Variants in ZDHHC14 observed in about 807,000 individuals in gnomAD.
ZDHHC14 encodes palmitoyltransferase ZDHHC14.
Under a neutral mutation model 47.7 loss-of-function variants are expected in ZDHHC14, and 16 were observed. The ratio of observed to expected loss-of-function variants is 0.34; its 90% CI spans 0.23 to 0.51. The LOEUF is 0.51. Among genes scored for constraint, ZDHHC14 ranks in the 20% least tolerant of loss-of-function variants. The probability of loss-of-function intolerance (pLI) is 0.97; values close to 1 mark genes in which losing one functional copy is unlikely to be tolerated. For missense variants in ZDHHC14, 515 were observed against 662.5 expected (o/e 0.78, Z 2.44); for synonymous variants, 293 against 278.9 (o/e 1.05, Z -0.50).
chr6:157,644,149 G>A (rs1474927907), intron 5 of ZDHHC14, among the ~76,000 whole-genome samples: 3 of 152,152 alleles, frequency 2.0e-5, no homozygotes, highest in East Asian at 3.9e-4. Flanking sequence ...CCCGCATTGT[G>A]TTCCCTGGAC....
At chr6:157,478,892 G>C (rs372978351) in intron 1 of ZDHHC14, among the ~76,000 whole-genome samples, 4 of 152,344 alleles carry the variant, frequency 2.6e-5, no homozygotes, top group African/African-American at 4.8e-5. Context: ...ACAGTGAAGA[G>C]AGTGTGTATG....
At chr6:157,535,394 T>C (rs926934629) in intron 1 of ZDHHC14, among the ~76,000 whole-genome samples, 4 of 152,210 alleles carry the variant, frequency 2.6e-5, no homozygotes, top group Admixed American at 6.5e-5. Flanking sequence ...TTAGCAAGCC[T>C]GAAAGCTACA....
chr6:157,435,778 G>A (rs1016468243), intron 1 of ZDHHC14, among the ~76,000 whole-genome samples: 18 of 152,148 alleles, frequency 1.2e-4, no homozygotes, highest in South Asian at 4.1e-4. Context: ...GGGCTCAAGC[G>A]ATCCTCCCAC....
chr6:157,647,627 TGGCCCTGCTAATGACTGA>T (rs974334819), intron 7 of ZDHHC14, among the ~76,000 whole-genome samples: 7 of 152,318 alleles, frequency 4.6e-5, no homozygotes, highest in East Asian at 1.9e-4. Context: ...CAGATGCCTG[TGGCCCTGCTAATGACTGA>T]GGCCCTGCTA....
chr6:157,461,734 G>A (rs909775977), intron 1 of ZDHHC14, among the ~76,000 whole-genome samples: 1 of 152,204 alleles, frequency 6.6e-6, no homozygotes, highest in African/African-American at 2.4e-5. Flanking sequence ...CAGAGGGTGG[G>A]CAGGTGGCAA....
At chr6:157,465,669 T>G (rs1779194720) in intron 1 of ZDHHC14, among the ~76,000 whole-genome samples, 1 of 151,926 alleles carries the variant, frequency 6.6e-6, no homozygotes, top group African/African-American at 2.4e-5. Context: ...CGTTAAAATG[T>G]CACGTACCAG....
At chr6:157,526,910 G>T (rs1056423609) in intron 1 of ZDHHC14, among the ~76,000 whole-genome samples, 1 of 152,222 alleles carries the variant, frequency 6.6e-6, no homozygotes, top group Non-Finnish European at 1.5e-5. Context: ...TTCTAGGGAT[G>T]TGGGGAGAGG....
rs140403054 is a variant in ZDHHC14 at position 157,520,107 on chromosome 6, G to A, written c.246-22478G>A. Among the ~76,000 whole-genome samples the A allele has an allele frequency of 2.0e-4, 30 of 152,278 alleles. No individual in the cohort carries two copies. In the East Asian group the frequency reaches 4.8e-3, roughly 25 times the overall value. On this transcript the variant is annotated intron_variant, in intron 1 of 8. Coordinates refer to ENST00000359775, the MANE Select transcript of ZDHHC14 (RefSeq NM_024630.3). ...GATCTAAAGTGTGGAGTCTGTCATC[G>A]AGGTGCGTAGCCTCTCCAGAGGTGT...
intron 1 of ZDHHC14, among the ~76,000 whole-genome samples, chr6:157,429,253 G>A (rs1034281742): frequency 6.6e-6 from 1 of 152,158 alleles, no homozygotes; most frequent in Non-Finnish European, 1.5e-5. Context: ...CAACTTACTA[G>A]GTTGCTGGTC....
intron 1 of ZDHHC14, among the ~76,000 whole-genome samples, chr6:157,391,695 C>T (rs1038618293): frequency 6.6e-5 from 10 of 152,198 alleles, no homozygotes; most frequent in African/African-American, 1.7e-4. Context: ...GGGAAGGAAG[C>T]GGCTATTGGC....
intron 1 of ZDHHC14, among the ~76,000 whole-genome samples, chr6:157,477,826 A>C (rs1562441310): frequency 6.6e-6 from 1 of 152,216 alleles, no homozygotes; most frequent in Non-Finnish European, 1.5e-5. Flanking sequence ...GATCTTTGTC[A>C]GTTATTTATG....
intron 1 of ZDHHC14, among the ~76,000 whole-genome samples, chr6:157,460,790 T>C (rs34813451): frequency 0.75 from 114,768 of 152,088 alleles, 43,980 homozygotes; most frequent in East Asian, 0.92. Context: ...TGCTTATGGC[T>C]GGGGATGGGT....
chr6:157,557,370 A>G (rs1305261341), intron 2 of ZDHHC14, among the ~76,000 whole-genome samples: 2 of 152,136 alleles, frequency 1.3e-5, no homozygotes, highest in Admixed American at 6.5e-5. Context: ...CAGGATTGGT[A>G]GGGGTGCCTG....
chr6:157,571,426 T>C (rs1187795651), intron 2 of ZDHHC14, among the ~76,000 whole-genome samples: 4 of 152,196 alleles, frequency 2.6e-5, no homozygotes, highest in Non-Finnish European at 5.9e-5. Flanking sequence ...TTTGTAAAAG[T>C]TTCTTTGAAC....
chr6:157,538,288 C>T (rs572987018), intron 1 of ZDHHC14, among the ~76,000 whole-genome samples: 2 of 152,160 alleles, frequency 1.3e-5, no homozygotes, highest in African/African-American at 2.4e-5. Flanking sequence ...CTCGGCTCAG[C>T]GAGCTGAGGA....
chr6:157,562,938 A>G (rs762376215), intron 2 of ZDHHC14, among the ~76,000 whole-genome samples: 3 of 144,900 alleles, frequency 2.1e-5, no homozygotes, highest in Admixed American at 2.1e-4. Flanking sequence ...CCCCAACCCC[A>G]CCCCTGCCCT....
At chr6:157,668,438 C>T (rs996830957) in intron 8 of ZDHHC14, among the ~76,000 whole-genome samples, 2 of 151,140 alleles carry the variant, frequency 1.3e-5, no homozygotes, top group South Asian at 4.2e-4. Flanking sequence ...AATCCCAGCA[C>T]TTTGGGAGGC....
intron 1 of ZDHHC14, among the ~76,000 whole-genome samples, chr6:157,540,059 T>C (rs1282434034): frequency 6.6e-6 from 1 of 152,186 alleles, no homozygotes; most frequent in Non-Finnish European, 1.5e-5. Context: ...AACAGCCCAC[T>C]ACGCAGTTAG....
chr6:157,422,958 C>T (rs1047642616), intron 1 of ZDHHC14, among the ~76,000 whole-genome samples: 11 of 152,162 alleles, frequency 7.2e-5, no homozygotes, highest in Non-Finnish European at 1.0e-4. Flanking sequence ...CTTTACTTCC[C>T]CTCTTTTTAA....
Sources: allele counts gnomAD v4.1 joint callset (sites outside exome capture counted in the v4.1 genomes callset), GRCh38; gene constraint gnomAD v4.1.1; transcripts MANE v1.5; gene names NCBI Gene and HGNC (gene_info 2026-07-23, HGNC 2026-07-21).